Variants in KIAA0513 observed in about 807,000 individuals in gnomAD.
KIAA0513 encodes uncharacterized protein KIAA0513.
Under a neutral mutation model 56.5 loss-of-function variants are expected in KIAA0513, and 39 were observed. The observed-to-expected ratio is 0.69, with a 90% CI of 0.53 to 0.90. The LOEUF is 0.90. Among genes scored for constraint, KIAA0513 ranks in the 40% least tolerant of loss-of-function variants. KIAA0513 has a pLI of 0.00. For missense variants in KIAA0513, 591 were observed against 535.2 expected, an observed-to-expected ratio of 1.10 and a Z score of -1.03; for synonymous variants, 268 against 215.6, an observed-to-expected ratio of 1.24 and a Z score of -2.13.
At chr16:85,075,978 G>A (rs1007959340) in intron 5 of KIAA0513, 64 bp downstream of exon 5, 2 of 1,300,800 alleles carry the variant, frequency 1.5e-6, no homozygotes, top group African/African-American at 2.9e-5. Context: ...TATGGTGTCA[G>A]AGGAAGCTTT....
intron 1 of KIAA0513, among the ~76,000 whole-genome samples, chr16:85,039,197 AT>A (rs1228373193): frequency 6.6e-6 from 1 of 152,242 alleles, no homozygotes; most frequent in East Asian, 1.9e-4. Flanking sequence ...AGTCAGTGCC[AT>A]TGGAAGCCTA....
At chr16:85,041,292 T>G (rs745980952) in intron 1 of KIAA0513, among the ~76,000 whole-genome samples, 11 of 152,194 alleles carry the variant, frequency 7.2e-5, no homozygotes, top group Non-Finnish European at 1.3e-4. Flanking sequence ...CTGTTTCCTC[T>G]GTCCGGAATA....
chr16:85,062,816 T>A (rs1284770655), intron 1 of KIAA0513, among the ~76,000 whole-genome samples: 1 of 152,150 alleles, frequency 6.6e-6, no homozygotes, highest in Non-Finnish European at 1.5e-5. Context: ...CTGGACCACC[T>A]CCTCTGTTTT....
intron 1 of KIAA0513, among the ~76,000 whole-genome samples, chr16:85,066,241 G>A (rs1193962757): frequency 2.0e-5 from 3 of 152,192 alleles, no homozygotes; most frequent in African/African-American, 7.2e-5. Context: ...GGGTGGGAAT[G>A]GCGGAGGAAA....
In KIAA0513 at chr16:85,052,667, A is replaced by C. The variant is rs1206812273; in HGVS notation, c.-172-14233A>C. Among the ~76,000 whole-genome samples, 9 of 152,138 alleles carry C rather than the reference A, an allele frequency of 5.9e-5. No individual in the cohort carries two copies. The East Asian group carries it at 1.4e-3, about 23-fold the overall frequency. ...GTTGATCATTTCTCCTGAGGCATGGAATTGAACAGAGTGTTCCAGGAGCAG... is the reference window on the plus strand; with the variant it reads ...GTTGATCATTTCTCCTGAGGCATGGCATTGAACAGAGTGTTCCAGGAGCAG... On this transcript the variant is annotated intron_variant, in intron 1 of 12. Transcript: ENST00000683363.
At chr16:85,062,061 A>G (rs1597618150) in intron 1 of KIAA0513, among the ~76,000 whole-genome samples, 1 of 150,776 alleles carries the variant, frequency 6.6e-6, no homozygotes, top group Non-Finnish European at 1.5e-5. Context: ...TGCCTCCCCA[A>G]CCTCCCCGTC....
chr16:85,091,578 T>C lies in KIAA0513; in HGVS notation c.*3253T>C, dbSNP rs1236560227. On this transcript the variant is annotated 3_prime_UTR_variant, in exon 13 of 13. Transcript: ENST00000683363. ...TTAATCCAAGCAACACGCATTGGGT[T>C]TAAAACCAGCACCGAGGCCCAGTGG... 6.6e-6 allele frequency: 1 copy of C among 152,208 alleles called. No homozygotes were observed. The highest frequency in any genetic ancestry group is 1.5e-5 in the Non-Finnish European group (1 of 68,036). 9.4% of individuals were successfully genotyped at this position (152,208 alleles called of 1,614,324 possible). A position where few individuals can be genotyped will look rare whatever the true frequency, so the allele number is the denominator to read the frequency against.
chr16:85,050,343 A>ATTTTTTTTTTTTTTTTT (rs1567527327), intron 1 of KIAA0513, among the ~76,000 whole-genome samples: 1 of 106,016 alleles, frequency 9.4e-6, no homozygotes, highest in African/African-American at 4.7e-5. Flanking sequence ...TTATTTATTT[A>ATTTTTTTTTTTTTTTTT]TTTATTTATT....
intron 8 of KIAA0513, chr16:85,079,885 T>A (rs1406947059): frequency 6.6e-6 from 1 of 152,306 alleles, no homozygotes; most frequent in Non-Finnish European, 1.5e-5. Context: ...TTGGCCGCCC[T>A]GGCATATGGC....
chr16:85,032,277 C>T (rs1183106661), intron 1 of KIAA0513, among the ~76,000 whole-genome samples: 1 of 152,208 alleles, frequency 6.6e-6, no homozygotes, highest in Non-Finnish European at 1.5e-5. Flanking sequence ...GTGGGTCTGC[C>T]TCTCTTCTCC....
intron 4 of KIAA0513, among the ~76,000 whole-genome samples, chr16:85,074,258 A>C (rs563359316): frequency 7.5e-4 from 114 of 151,948 alleles, no homozygotes; most frequent in Admixed American, 1.6e-3. Flanking sequence ...TACAGGAGTG[A>C]GCCACCACAC....
rs2073893089 is a variant in KIAA0513 at position 85,093,653 on chromosome 16, G to A, written c.*5328G>A. 2 of 152,382 alleles carry A rather than the reference G, an allele frequency of 1.3e-5. No individual in the cohort carries two copies. The highest frequency in any genetic ancestry group is 2.4e-5 in the African/African-American group (1 of 41,438). The allele number at this position is 152,382 out of a possible 1,614,324, so 9.4% of individuals were successfully genotyped here. On this transcript the variant is annotated 3_prime_UTR_variant, in exon 13 of 13. Transcript: ENST00000683363. ...ACTCTGGGAGGTGCAGCCCTAAGGG[G>A]TGGACTCCAGATCTCCCTGCAAGAG...
chr16:85,074,166 G>C (rs1041997852), intron 4 of KIAA0513, among the ~76,000 whole-genome samples: 1 of 151,924 alleles, frequency 6.6e-6, no homozygotes, highest in South Asian at 2.1e-4. Context: ...GTAGAGACAG[G>C]GTTTCACCAT....
chr16:85,072,900 G>A, intron 3 of KIAA0513, 25 bp from the exon 4 acceptor site: 5 of 1,612,586 alleles, frequency 3.1e-6, no homozygotes, highest in Non-Finnish European at 4.2e-6. Context: ...GAACCTCAAT[G>A]ATGTGTCTGC....
Position 85,081,254 on chromosome 16 carries a change from CACAACCCGT to C in KIAA0513, c.903-60_903-52del. ...GCCCTTGTTTATCCCTCAAGGGGCC[CACAACCCGT>C]GTCCTCCCCGCCTCCCCTTGGAGAG... On this transcript the variant is annotated intron_variant, in intron 8 of 12. Coordinates refer to ENST00000683363, the MANE Select transcript of KIAA0513 (RefSeq NM_001388359.1). The surrounding 1 kb of genome is among the most constrained non-coding windows in gnomAD (Gnocchi z 4.4). 5.3e-6 allele frequency: 8 copies of C among 1,505,848 alleles called. No individual in the cohort carries two copies. Among genetic ancestry groups the C allele is most frequent in the African/African-American group, 1.4e-5 (1 of 72,784 alleles). The allele number at this position is 1,505,848 out of a possible 1,614,324, so 93.3% of individuals were successfully genotyped here.
intron 2 of KIAA0513, among the ~76,000 whole-genome samples, chr16:85,068,433 C>CA (rs1180918124): frequency 6.6e-6 from 1 of 150,794 alleles, no homozygotes; most frequent in Non-Finnish European, 1.5e-5. Context: ...CCTGGGTTCA[C>CA]ACCATTCTCC....
intron 1 of KIAA0513, among the ~76,000 whole-genome samples, chr16:85,065,491 C>T (rs965882381): frequency 2.0e-5 from 3 of 152,226 alleles, no homozygotes; most frequent in African/African-American, 7.2e-5. Flanking sequence ...TAGCACCACG[C>T]TGGTGACCTG....
Position 85,088,296 on chromosome 16 carries a change from G to A in KIAA0513, c.1207G>A (p.Asp403Asn), listed in dbSNP as rs946774654. 13 of 1,612,254 alleles carry A rather than the reference G, an allele frequency of 8.1e-6. No homozygotes were observed. Among genetic ancestry groups the A allele is most frequent in the African/African-American group, 1.3e-5 (1 of 74,940 alleles). Residue 403 changes from aspartate to asparagine, a missense_variant, in exon 13 of 13, where the codon GAC becomes AAC. Transcript: ENST00000683363. ...TCCAGAGCAATACAAGCTGCTTAGTGACCACATTGAGCAAATGGCCACTGA... is the reference window on the plus strand; with the variant it reads ...TCCAGAGCAATACAAGCTGCTTAGTAACCACATTGAGCAAATGGCCACTGA... ...LDEEQYKLLS[D>N]HIEQMATE is the part of the protein sequence containing the mutation.
Position 85,078,395 on chromosome 16 carries a change from T to C in KIAA0513, c.783-20T>C, listed in dbSNP as rs373301800. On this transcript the variant is annotated intron_variant, in intron 6 of 12. Coordinates refer to ENST00000683363, the MANE Select transcript of KIAA0513 (RefSeq NM_001388359.1). ...GTGGTGTGAGTCGCGTGTGTCATCATTGTGCCTTCTCTCCCTCAGGGAAGA... is the reference window on the plus strand; with the variant it reads ...GTGGTGTGAGTCGCGTGTGTCATCACTGTGCCTTCTCTCCCTCAGGGAAGA... 5 of 1,613,928 alleles carry C rather than the reference T, an allele frequency of 3.1e-6. No individual in the cohort carries two copies. The highest frequency in any genetic ancestry group is 3.4e-6 in the Non-Finnish European group (4 of 1,179,894).
Sources: allele counts gnomAD v4.1 joint callset (sites outside exome capture counted in the v4.1 genomes callset), GRCh38; gene constraint gnomAD v4.1.1; non-coding constraint Gnocchi (gnomAD v3.1); transcripts MANE v1.5; gene names NCBI Gene and HGNC (gene_info 2026-07-23, HGNC 2026-07-21).